Variants in ARHGEF28 observed in about 807,000 individuals in gnomAD.
ARHGEF28 encodes Rho guanine nucleotide exchange factor 28, also known as 190 kDa guanine nucleotide exchange factor.
Under a neutral mutation model 206.6 loss-of-function variants are expected in ARHGEF28, and 152 were observed. The observed-to-expected ratio is 0.74, with a 90% confidence interval of 0.64 to 0.84. The LOEUF (loss-of-function observed/expected upper bound fraction) is 0.84, where lower values mean the gene tolerates loss of function less well. Among genes scored for constraint, ARHGEF28 ranks in the 40% least tolerant of loss-of-function variants. The pLI, the probability that ARHGEF28 is intolerant of heterozygous loss-of-function variation, is 0.00. For synonymous variants in ARHGEF28, 763 were observed against 776.4 expected, an observed-to-expected ratio of 0.98 and a Z score of 0.29; for missense variants, 2,028 against 2,073.2, an observed-to-expected ratio of 0.98 and a Z score of 0.42.
chr5:73,920,748 C>T lies in ARHGEF28; in HGVS notation c.4948+9173C>T, dbSNP rs116328774. ...CATCTCTTTACATGAGTTATTTTTC[C>T]GTTAGAATATTGTATACATATAGCC... On this transcript the variant is annotated intron_variant, in intron 35 of 35. Transcript: ENST00000513042. Among the ~76,000 whole-genome samples, 1,261 of 151,902 alleles carry T rather than the reference C, an allele frequency of 8.3e-3. 13 individuals carry two copies. The highest frequency in any genetic ancestry group is 0.028 in the African/African-American group (1,177 of 41,434).
At chr5:73,710,812 A>C (rs55650297) in intron 2 of ARHGEF28, among the ~76,000 whole-genome samples, 40,731 of 151,860 alleles carry the variant, frequency 0.27, 6,202 homozygotes, top group African/African-American at 0.41. Context: ...AAGTGATTCT[A>C]CCACCTCAGC....
At chr5:73,764,868 A>G (rs1752810228) in intron 4 of ARHGEF28, among the ~76,000 whole-genome samples, 1 of 152,208 alleles carries the variant, frequency 6.6e-6, no homozygotes, top group African/African-American at 2.4e-5. Context: ...AGGCTGTGTA[A>G]ATGGAAGATG....
At chr5:73,847,549 A>G (rs2973570) in intron 12 of ARHGEF28, among the ~76,000 whole-genome samples, 89,231 of 151,632 alleles carry the variant, frequency 0.59, 27,798 homozygotes, top group African/African-American at 0.8. Context: ...AGAAGTTTGT[A>G]TGGTTGTTAT....
At chr5:73,894,249 C>T (rs1476426993) in intron 28 of ARHGEF28, 144 bp from the exon 29 acceptor site, 6 of 748,820 alleles carry the variant, frequency 8.0e-6, no homozygotes, top group Non-Finnish European at 1.3e-5. Flanking sequence ...AGGACTGAGA[C>T]CTGCATCTGC....
intron 22 of ARHGEF28, 122 bp downstream of exon 22, chr5:73,873,368 G>A: frequency 7.7e-7 from 1 of 1,295,172 alleles, no homozygotes; most frequent in Non-Finnish European, 1.0e-6. Flanking sequence ...ACATTCTGAG[G>A]ATGTGTTTAC....
At chr5:73,680,872 CTTTT>C (rs201755245) in intron 1 of ARHGEF28, among the ~76,000 whole-genome samples, 20 of 150,930 alleles carry the variant, frequency 1.3e-4, no homozygotes, top group African/African-American at 4.6e-4. Context: ...TTCCTTTTAT[CTTTT>C]TTTTTCTTTA....
At chr5:73,668,754 T>G (rs2112208685) in intron 1 of ARHGEF28, among the ~76,000 whole-genome samples, 1 of 58,710 alleles carries the variant, frequency 1.7e-5, no homozygotes, top group South Asian at 5.3e-4. Flanking sequence ...TTCTGAGTAC[T>G]CTTACTTGGA....
chr5:73,658,634 G>C (rs1745381305), intron 1 of ARHGEF28, among the ~76,000 whole-genome samples: 1 of 152,106 alleles, frequency 6.6e-6, no homozygotes, highest in African/African-American at 2.4e-5. Context: ...CTTAAGGATG[G>C]AGGAAAACTG....
At chr5:73,795,295 AT>A (rs1561409382) in intron 8 of ARHGEF28, 35 bp from the exon 9 acceptor site, 1 of 1,599,062 alleles carries the variant, frequency 6.3e-7, no homozygotes, top group Non-Finnish European at 8.5e-7. Context: ...CATATATGTA[AT>A]TTTTTAAAAA....
At chr5:73,827,497 T>A (rs1404088334) in intron 9 of ARHGEF28, among the ~76,000 whole-genome samples, 1 of 152,214 alleles carries the variant, frequency 6.6e-6, no homozygotes. Context: ...ATTTTCAGAA[T>A]AATTCTATGA....
chr5:73,876,918 G>C (rs931433841), intron 22 of ARHGEF28, among the ~76,000 whole-genome samples: 1 of 146,632 alleles, frequency 6.8e-6, no homozygotes, highest in Non-Finnish European at 1.5e-5. Flanking sequence ...TTTGGTATCA[G>C]GATGATGCTG....
At chr5:73,923,335 G>A (rs1763624898) in intron 35 of ARHGEF28, among the ~76,000 whole-genome samples, 1 of 152,148 alleles carries the variant, frequency 6.6e-6, no homozygotes, top group Non-Finnish European at 1.5e-5. Flanking sequence ...TTTCTCTGAT[G>A]AGCTGGCTAT....
chr5:73,843,631 T>C (rs1758123669), intron 11 of ARHGEF28, among the ~76,000 whole-genome samples: 1 of 152,240 alleles, frequency 6.6e-6, no homozygotes, highest in African/African-American at 2.4e-5. Flanking sequence ...AGGACATAGC[T>C]GACTGGGACC....
chr5:73,795,446 G>C, intron 9 of ARHGEF28, 55 bp downstream of exon 9: 1 of 1,452,474 alleles, frequency 6.9e-7, no homozygotes, highest in East Asian at 2.3e-5. Flanking sequence ...TCCAGGTTTA[G>C]AGTGGACAAG....
chr5:73,880,560 G>A (rs112781532), intron 22 of ARHGEF28, among the ~76,000 whole-genome samples: 2,461 of 152,298 alleles, frequency 0.016, 66 homozygotes, highest in African/African-American at 0.053. Context: ...GTTCCTATTC[G>A]GCCATCTTGT....
intron 16 of ARHGEF28, among the ~76,000 whole-genome samples, chr5:73,863,851 C>G (rs760707057): frequency 6.6e-6 from 1 of 152,014 alleles, no homozygotes; most frequent in Non-Finnish European, 1.5e-5. Context: ...ATAGATTAGC[C>G]TTGGGCCCTG....
intron 11 of ARHGEF28, among the ~76,000 whole-genome samples, chr5:73,844,767 CAA>C (rs33999122): frequency 1.2e-4 from 10 of 82,834 alleles, no homozygotes; most frequent in African/African-American, 4.0e-4. Flanking sequence ...CTGTAACAAC[CAA>C]AAAAAAAAAA....
At chr5:73,730,308 C>T (rs951179269) in intron 2 of ARHGEF28, among the ~76,000 whole-genome samples, 1 of 152,106 alleles carries the variant, frequency 6.6e-6, no homozygotes, top group Non-Finnish European at 1.5e-5. Flanking sequence ...AATGCTTCTT[C>T]CCCTGTTAAG....
At position 73,702,756 on chromosome 5, in the gene ARHGEF28, T is replaced by C. The variant is rs905757150; in HGVS notation, c.33+17872T>C. 2.0e-5 allele frequency among the ~76,000 whole-genome samples: 3 copies of C among 152,202 alleles called. No homozygotes were observed. The East Asian group carries it at 5.8e-4, about 29-fold the overall frequency. ...TCCTGCTGAGTATGAAGTGGTATGGTATAGATTTTGATAGAGATATTTGAA... is the reference window on the plus strand; with the variant it reads ...TCCTGCTGAGTATGAAGTGGTATGGCATAGATTTTGATAGAGATATTTGAA... On this transcript the variant is annotated intron_variant, in intron 2 of 35. Coordinates refer to ENST00000513042, the MANE Select transcript of ARHGEF28 (RefSeq NM_001177693.2).
Sources: gnomAD v4.1 joint callset for allele counts (sites outside exome capture counted in the v4.1 genomes callset) on GRCh38, gnomAD v4.1.1 for gene constraint, MANE v1.5 for transcripts, NCBI Gene and HGNC (gene_info 2026-07-23, HGNC 2026-07-21) for gene names.